The following DNMT3B variants were observed in gnomAD, a reference collection of about 807,000 sequenced individuals.
The protein encoded by DNMT3B is DNA (cytosine-5)-methyltransferase 3B.
A neutral mutation model predicts 120.2 loss-of-function variants in DNMT3B; 37 were observed. The observed-to-expected ratio is 0.31, with a 90% CI of 0.24 to 0.40. The LOEUF is 0.40. Among genes scored for constraint, DNMT3B ranks in the 10% least tolerant of loss-of-function variants. The probability of loss-of-function intolerance (pLI) is 1.00; values close to 1 mark genes in which losing one functional copy is unlikely to be tolerated. For synonymous variants in DNMT3B, 412 were observed against 442.8 expected, an observed-to-expected ratio of 0.93 and a Z score of 0.87; for missense variants, 878 against 1,137.3, an observed-to-expected ratio of 0.77 and a Z score of 3.28.
At chr20:32,777,409 T>C (rs1392954779) in intron 1 of DNMT3B, among the ~76,000 whole-genome samples, 1 of 152,178 alleles carries the variant, frequency 6.6e-6, no homozygotes, top group Non-Finnish European at 1.5e-5. Context: ...TGGCTTCTTG[T>C]TGACCCAGTT....
At position 32,803,788 on chromosome 20, in the gene DNMT3B, G is replaced by A. The variant is rs527901113; in HGVS notation, c.2231+1318G>A. Among the ~76,000 whole-genome samples, 6 of 152,320 alleles carry A rather than the reference G, an allele frequency of 3.9e-5. No individual in the cohort carries two copies. The South Asian group carries it at 1.2e-3, about 32-fold the overall frequency. On this transcript the variant is annotated intron_variant, in intron 20 of 22. Coordinates refer to ENST00000328111, the MANE Select transcript of DNMT3B (RefSeq NM_006892.4). ...CAGACCAGCTCAGAGCACCCTAGGT[G>A]GGGTGGCTGGGAGAGAAGGACCAAG...
chr20:32,795,614 C>T lies in DNMT3B; in HGVS notation c.1253-36C>T, dbSNP rs368167268. On this transcript the variant is annotated intron_variant, in intron 11 of 22. Coordinates refer to ENST00000328111, the MANE Select transcript of DNMT3B (RefSeq NM_006892.4). ...CAGGAATTGATCTGTACCCGGCTCC[C>T]TGACCTCATCTCATGCCTTCTTCTT... 1.4e-5 allele frequency: 23 copies of T among 1,614,096 alleles called. No homozygotes were observed. The African/African-American group carries it at 2.9e-4, about 21-fold the overall frequency.
At chr20:32,784,924 C>G (rs1979084132) in intron 4 of DNMT3B, 65 bp downstream of exon 4, 1 of 1,494,680 alleles carries the variant, frequency 6.7e-7, no homozygotes, top group African/African-American at 1.4e-5. Context: ...ACATAGCATG[C>G]TACATACATA....
intron 7 of DNMT3B, among the ~76,000 whole-genome samples, chr20:32,791,353 C>T (rs1367838588): frequency 1.3e-5 from 2 of 152,190 alleles, no homozygotes; most frequent in African/African-American, 4.8e-5. Context: ...AGAGTATCCT[C>T]CTTTTCCACA....
At chr20:32,780,277 C>G (rs1464609645) in intron 1 of DNMT3B, 41 bp from the exon 2 acceptor site, 2 of 1,613,742 alleles carry the variant, frequency 1.2e-6, no homozygotes, top group South Asian at 1.1e-5. Context: ...TCTCATGTCC[C>G]TGCTTCCCTT....
intron 7 of DNMT3B, among the ~76,000 whole-genome samples, chr20:32,789,490 T>C (rs1209954967): frequency 6.6e-6 from 1 of 152,206 alleles, no homozygotes; most frequent in Non-Finnish European, 1.5e-5. Context: ...TCTTGATGAT[T>C]GATTCTAGCC....
At position 32,805,944 on chromosome 20, in the gene DNMT3B, G is replaced by C. The variant is rs369043550; in HGVS notation, c.2302-265G>C. ...TGTTTATCTCATTTTCTCTGAGGCT[G>C]GTCCTTCCTGTTAACGTCTTGGCAT... On this transcript the variant is annotated intron_variant, in intron 21 of 22. Transcript: ENST00000328111. Among the ~76,000 whole-genome samples, 15 of 152,186 alleles carry C rather than the reference G, an allele frequency of 9.9e-5. 1 individual carries two copies. Among genetic ancestry groups the C allele is most frequent in the African/African-American group, 3.6e-4 (15 of 41,516 alleles).
chr20:32,797,336 C>A, intron 14 of DNMT3B, 37 bp downstream of exon 14: 1 of 1,596,226 alleles, frequency 6.3e-7, no homozygotes, highest in Non-Finnish European at 8.6e-7. Context: ...TGTGGGTGGG[C>A]CCCCAAGGCT....
At chr20:32,786,413 G>T (rs1320690492) in intron 4 of DNMT3B, 89 bp from the exon 5 acceptor site, 1 of 1,594,386 alleles carries the variant, frequency 6.3e-7, no homozygotes, top group South Asian at 1.1e-5. Context: ...AGGTCTCCTT[G>T]GCCACCTGAA....
At chr20:32,795,603 T>C (rs748267835) in intron 11 of DNMT3B, 47 bp from the exon 12 acceptor site, 2 of 1,614,092 alleles carry the variant, frequency 1.2e-6, no homozygotes, top group South Asian at 1.1e-5. Context: ...AATTGATCTG[T>C]ACCCGGCTCC....
intron 10 of DNMT3B, among the ~76,000 whole-genome samples, chr20:32,793,825 TTATTAA>T (rs1328689737): frequency 1.3e-5 from 2 of 152,202 alleles, no homozygotes; most frequent in Non-Finnish European, 2.9e-5. Flanking sequence ...GCTTTCCCCT[TTATTAA>T]TATTAATACT....
chr20:32,806,929 G>A (rs1982045996), intron 22 of DNMT3B, among the ~76,000 whole-genome samples: 1 of 152,130 alleles, frequency 6.6e-6, no homozygotes, highest in Admixed American at 6.5e-5. Flanking sequence ...TTGATATAGA[G>A]TATTTTCATT....
At chr20:32,793,634 A>G (rs934673816) in intron 10 of DNMT3B, 39 bp downstream of exon 10, 3 of 1,606,064 alleles carry the variant, frequency 1.9e-6, no homozygotes, top group Non-Finnish European at 2.6e-6. Flanking sequence ...CCTGTTTTCT[A>G]TGCACTTTCT....
In DNMT3B at chr20:32,787,256, G is replaced by T. The variant is rs373476145; in HGVS notation, c.459G>T (p.Ser153=). Residue 153 remains serine, a synonymous_variant, in exon 6 of 23, where the codon TCG becomes TCT. Transcript: ENST00000328111. ...TRSLRRRATA[S]AGTPWPSPPS... ...CCCTGAGACGGCGGGCAACAGCATC[G>T]GCAGGAACGCCATGGCCGTCCCCTC... 4 of 1,614,070 alleles carry T rather than the reference G, an allele frequency of 2.5e-6. No individual in the cohort carries two copies. The African/African-American group carries it at 4.0e-5, about 16-fold the overall frequency.
chr20:32,799,419 G>C (rs1218496003), intron 16 of DNMT3B, 91 bp downstream of exon 16: 1 of 1,449,006 alleles, frequency 6.9e-7, no homozygotes. Flanking sequence ...TCTGACATCA[G>C]TGGCAAGAAA....
At position 32,787,323 on chromosome 20, in the gene DNMT3B, G is replaced by C; in HGVS notation, c.526G>C (p.Asp176His). Reference protein sequence around the residue: ...LTIDLTDDTEDTHGTPQSSST... With the variant: ...LTIDLTDDTEHTHGTPQSSST... ...CATCGACCTCACAGACGACACAGAG[G>C]ACACACATGGGACGCCCCAGAGCAG... Residue 176 changes from aspartate to histidine, a missense_variant, in exon 6 of 23, where the codon GAC becomes CAC. By Grantham distance (81) the Asp-to-His change is moderately conservative. This residue lies in a region of DNMT3B where 287 missense variants were observed against 306.2 expected (regional missense o/e 0.94). Coordinates refer to ENST00000328111, the MANE Select transcript of DNMT3B (RefSeq NM_006892.4). 6.2e-7 allele frequency: 1 copy of C among 1,614,210 alleles called. No homozygotes were observed. The highest frequency in any genetic ancestry group is 8.5e-7 in the Non-Finnish European group (1 of 1,180,050).
intron 19 of DNMT3B, among the ~76,000 whole-genome samples, 170 bp downstream of exon 19, chr20:32,801,596 T>A (rs554062837): frequency 6.6e-6 from 1 of 152,090 alleles, no homozygotes; most frequent in Non-Finnish European, 1.5e-5. Context: ...TGGAAAATAT[T>A]TTTTTTGAGA....
In DNMT3B at chr20:32,795,801, T is replaced by G. The variant is rs1189353186; in HGVS notation, c.1297+107T>G. Reference sequence around the variant, plus strand: ...GTCAGGGTTTAACCCAGAGCTCTGTTCCTTAACCTCAGGCCAAGGCCTATT... The same window carrying G: ...GTCAGGGTTTAACCCAGAGCTCTGTGCCTTAACCTCAGGCCAAGGCCTATT... On this transcript the variant is annotated intron_variant, in intron 12 of 22. Transcript: ENST00000328111. 3 of 1,446,756 alleles carry G rather than the reference T, an allele frequency of 2.1e-6. No homozygotes were observed. In the Admixed American group the frequency reaches 5.2e-5, roughly 25 times the overall value. 89.6% of individuals were successfully genotyped at this position (1,446,756 alleles called of 1,614,324 possible).
chr20:32,771,438 C>G (rs903397219), intron 1 of DNMT3B, among the ~76,000 whole-genome samples: 10 of 152,006 alleles, frequency 6.6e-5, no homozygotes, highest in African/African-American at 2.4e-4. Flanking sequence ...GTCAGGAGTT[C>G]GAGACCAGCC....
Sources: gnomAD v4.1 joint callset for allele counts (sites outside exome capture counted in the v4.1 genomes callset) on GRCh38, gnomAD v4.1.1 for gene constraint, gnomAD v4.1.1 regional missense constraint, MANE v1.5 for transcripts, NCBI Gene and HGNC (gene_info 2026-07-23, HGNC 2026-07-21) for gene names.